Variants in SMCO4 observed in about 807,000 individuals in gnomAD.
The protein encoded by SMCO4 is single-pass membrane and coiled-coil domain-containing protein 4.
In SMCO4, 4 loss-of-function variants were observed where a neutral mutation model predicts 3.6. That is an observed-to-expected ratio of 1.11 (90% CI 0.54 to 2.53). SMCO4 has a LOEUF of 2.53. Among genes scored for constraint, SMCO4 ranks in the 30% most tolerant of loss-of-function variants. The pLI is 0.02. For synonymous variants in SMCO4, 36 were observed against 35.3 expected, an observed-to-expected ratio of 1.02 and a Z score of -0.07; for missense variants, 70 against 80.8, an observed-to-expected ratio of 0.87 and a Z score of 0.51.
chr11:93,542,554 G>A (rs1467917431), intron 1 of SMCO4, among the ~76,000 whole-genome samples: 1 of 152,166 alleles, frequency 6.6e-6, no homozygotes, highest in African/African-American at 2.4e-5. Context: ...GGGGAGGGGC[G>A]GTAGTCGGCC....
At chr11:93,509,024 C>A (rs1591315808) in intron 1 of SMCO4, among the ~76,000 whole-genome samples, 1 of 152,008 alleles carries the variant, frequency 6.6e-6, no homozygotes, top group Non-Finnish European at 1.5e-5. Flanking sequence ...GTGCAGTGGC[C>A]CATGCCTGTA....
chr11:93,501,966 G>A (rs780853791), intron 1 of SMCO4, among the ~76,000 whole-genome samples: 2 of 151,886 alleles, frequency 1.3e-5, no homozygotes, highest in Non-Finnish European at 1.5e-5. Context: ...CAGAGGCCTG[G>A]GCTGCACAGG....
intron 1 of SMCO4, among the ~76,000 whole-genome samples, chr11:93,505,854 G>A (rs546871076): frequency 1.3e-3 from 166 of 123,404 alleles, no homozygotes; most frequent in African/African-American, 5.6e-3. Flanking sequence ...TTAAGCCCTT[G>A]CAATGATGAT....
At chr11:93,488,968 T>C (rs1948683154) in intron 2 of SMCO4, among the ~76,000 whole-genome samples, 1 of 152,196 alleles carries the variant, frequency 6.6e-6, no homozygotes, top group South Asian at 2.1e-4. Context: ...GCTGGCCATC[T>C]GGTCTGGCCA....
chr11:93,492,336 C>T (rs1229886083), intron 2 of SMCO4, among the ~76,000 whole-genome samples: 1 of 152,184 alleles, frequency 6.6e-6, no homozygotes, highest in Admixed American at 6.5e-5. Flanking sequence ...TTGACTGGTC[C>T]ATCTGATCAT....
rs148462986 is a variant in SMCO4 at position 93,514,374 on chromosome 11, CTATATATATATATATATA to C, written c.-153-15044_-153-15027del. ...AAAGGAAAAATAAAACAGGATGAGG[CTATATATATATATATATA>C]TATATATATATATATATATATATAT... On this transcript the variant is annotated intron_variant, in intron 1 of 2. Coordinates refer to ENST00000298966, the MANE Select transcript of SMCO4 (RefSeq NM_020179.3). Among the ~76,000 whole-genome samples, 56 of 39,096 alleles carry C rather than the reference CTATATATATATATATATA, an allele frequency of 1.4e-3. 2 individuals are homozygous for C. The highest frequency in any genetic ancestry group is 8.1e-3 in the East Asian group (23 of 2,852). 25.6% of individuals were successfully genotyped at this position (39,096 alleles called of 152,430 possible).
upstream of SMCO4, among the ~76,000 whole-genome samples, chr11:93,546,199 T>C (rs1391047523): frequency 2.0e-5 from 3 of 152,246 alleles, no homozygotes; most frequent in Non-Finnish European, 4.4e-5. Context: ...CTTGCTAGCG[T>C]TTTCTGTTAT....
At chr11:93,490,917 G>A (rs987023240) in intron 2 of SMCO4, among the ~76,000 whole-genome samples, 1 of 152,206 alleles carries the variant, frequency 6.6e-6, no homozygotes, top group Non-Finnish European at 1.5e-5. Flanking sequence ...CAAACAGATG[G>A]ACCCAAGAGT....
chr11:93,510,992 C>A (rs1811530), intron 1 of SMCO4, among the ~76,000 whole-genome samples: 15,068 of 151,836 alleles, frequency 0.099, 910 homozygotes, highest in East Asian at 0.31. Flanking sequence ...CCAGCTACTG[C>A]GGAGACTGAG....
chr11:93,531,093 G>C (rs1462389895), intron 1 of SMCO4, among the ~76,000 whole-genome samples: 3 of 152,192 alleles, frequency 2.0e-5, no homozygotes, highest in African/African-American at 4.8e-5. Flanking sequence ...TGTCTGTGAG[G>C]ATGTTTTCTG....
At chr11:93,484,574 T>C (rs999666457) in intron 2 of SMCO4, among the ~76,000 whole-genome samples, 2 of 152,182 alleles carry the variant, frequency 1.3e-5, no homozygotes, top group African/African-American at 2.4e-5. Context: ...ATCTGAAGTA[T>C]GCAGTGGATG....
chr11:93,514,422 A>ATACACATATAT (rs1948990819), intron 1 of SMCO4, among the ~76,000 whole-genome samples: 3 of 103,896 alleles, frequency 2.9e-5, no homozygotes, highest in Non-Finnish European at 4.0e-5. Context: ...ATATATATAT[A>ATACACATATAT]AAATTTGGTC....
chr11:93,507,784 T>C (rs568739994), intron 1 of SMCO4, among the ~76,000 whole-genome samples: 31 of 152,332 alleles, frequency 2.0e-4, no homozygotes, highest in African/African-American at 7.5e-4. Context: ...CTCCCTTTTC[T>C]AACTACATGT....
At chr11:93,535,393 T>C in intron 1 of SMCO4, 2 of 857,670 alleles carry the variant, frequency 2.3e-6, no homozygotes, top group African/African-American at 1.7e-5. Context: ...ATCTCAGCAA[T>C]AAGAATCAAG....
intron 2 of SMCO4, among the ~76,000 whole-genome samples, chr11:93,482,631 A>G (rs1474557337): frequency 1.3e-5 from 2 of 152,240 alleles, no homozygotes; most frequent in Non-Finnish European, 2.9e-5. Context: ...GTGGGGACCA[A>G]GACAGTCAAG....
intron 1 of SMCO4, among the ~76,000 whole-genome samples, chr11:93,534,742 G>A (rs921950802): frequency 3.3e-5 from 5 of 152,084 alleles, no homozygotes; most frequent in African/African-American, 9.7e-5. Flanking sequence ...AGTAAGCCAG[G>A]GCTTTCCGAA....
chr11:93,537,001 T>C (rs1313496510), intron 1 of SMCO4, among the ~76,000 whole-genome samples: 2 of 152,174 alleles, frequency 1.3e-5, no homozygotes, highest in African/African-American at 2.4e-5. Context: ...AAGGAAAACA[T>C]CTGTAAAAGC....
At chr11:93,501,263 G>C (rs1267013083) in intron 1 of SMCO4, among the ~76,000 whole-genome samples, 1 of 152,192 alleles carries the variant, frequency 6.6e-6, no homozygotes, top group Non-Finnish European at 1.5e-5. Flanking sequence ...GAGAAAGAGA[G>C]AGCCAAGCAC....
chr11:93,533,898 A>T lies in SMCO4; in HGVS notation c.-154+9378T>A, dbSNP rs181573508. Among the ~76,000 whole-genome samples, 9 of 152,276 alleles carry T rather than the reference A, an allele frequency of 5.9e-5. No individual in the cohort carries two copies. In the East Asian group the frequency reaches 1.7e-3, roughly 29 times the overall value. The stretch of plus-strand genomic sequence containing the variant: ...GATATGTAGTCACTCATTTTAAAAC[A>T]GTTATTAGCCAGGTGTGGTAGCTCA... On this transcript the variant is annotated intron_variant, in intron 1 of 2. Coordinates refer to ENST00000298966, the MANE Select transcript of SMCO4 (RefSeq NM_020179.3).
Sources: gnomAD v4.1 joint callset for allele counts (sites outside exome capture counted in the v4.1 genomes callset) on GRCh38, gnomAD v4.1.1 for gene constraint, MANE v1.5 for transcripts, NCBI Gene and HGNC (gene_info 2026-07-23, HGNC 2026-07-21) for gene names.